PTCH1: variants seen among roughly 807,000 people sequenced by gnomAD.
The protein encoded by PTCH1 is protein patched homolog 1.
In PTCH1, 14 loss-of-function variants were observed where a neutral mutation model predicts 144.6. The ratio of observed to expected loss-of-function variants is 0.10; its 90% CI spans 0.06 to 0.15. The LOEUF (loss-of-function observed/expected upper bound fraction) is 0.15. PTCH1 is among the 10% of genes least tolerant of loss of function. PTCH1 has a pLI of 1.00. For synonymous variants in PTCH1, 833 were observed against 793.6 expected, an observed-to-expected ratio of 1.05 and a Z score of -0.83; for missense variants, 1,623 against 1,948.3, an observed-to-expected ratio of 0.83 and a Z score of 3.14.
At position 95,476,684 on chromosome 9, in the gene PTCH1, A is replaced by T; in HGVS notation, c.1602+75T>A. On this transcript the variant is annotated intron_variant, in intron 11 of 23. Coordinates refer to ENST00000331920, the MANE Select transcript of PTCH1 (RefSeq NM_000264.5). The surrounding 1 kb of genome is among the most constrained non-coding windows in gnomAD (Gnocchi z 4.6). ...ATCTTTACTGGGTCAGACTGAGGAA[A>T]ATTAAAGGACAAATACTTAGGAACA... 1.4e-6 allele frequency: 2 copies of T among 1,423,246 alleles called. No individual in the cohort carries two copies. The allele number at this position is 1,423,246 out of a possible 1,614,324, so 88.2% of individuals were successfully genotyped here.
chr9:95,467,526 CTT>C, intron 14 of PTCH1, 101 bp from the exon 15 acceptor site: 1 of 1,174,686 alleles, frequency 8.5e-7, no homozygotes, highest in Non-Finnish European at 1.2e-6. Context: ...CACCACCACA[CTT>C]AAACTGATTT....
In PTCH1 at chr9:95,506,614, G is replaced by T; in HGVS notation, c.202-15C>A. The T allele has an allele frequency of 6.3e-7, 1 of 1,590,402 alleles. No individual in the cohort carries two copies. The highest frequency in any genetic ancestry group is 1.8e-4 in the Middle Eastern group (1 of 5,664). On this transcript the variant is annotated splice_polypyrimidine_tract_variant and intron_variant, in intron 1 of 23. Coordinates refer to ENST00000331920, the MANE Select transcript of PTCH1 (RefSeq NM_000264.5). ...GTAGCCTTCCCCTGGGGACGAAGCA[G>T]AAGGGAGGAGTGAGCGCCGGGGAGT...
At chr9:95,479,801 G>T in intron 7 of PTCH1, 168 bp downstream of exon 7, 2 of 1,079,288 alleles carry the variant, frequency 1.9e-6, no homozygotes, top group Non-Finnish European at 2.7e-6. Context: ...GCTTTTTCAA[G>T]CTGTTGCAGT....
intron 2 of PTCH1, among the ~76,000 whole-genome samples, chr9:95,504,824 CATCGAATTCTA>C (rs897585816): frequency 6.6e-6 from 1 of 152,092 alleles, no homozygotes; most frequent in African/African-American, 2.4e-5. Context: ...AGTCCAAATG[CATCGAATTCTA>C]ATAGTTTTAA....
At chr9:95,507,577 A>G in intron 1 of PTCH1, 2 of 417,852 alleles carry the variant, frequency 4.8e-6, no homozygotes, top group Non-Finnish European at 6.4e-6. Flanking sequence ...CGGGGGGGAT[A>G]TCTTTTTCCG....
upstream of PTCH1, among the ~76,000 whole-genome samples, chr9:95,512,890 A>C (rs1294589790): frequency 6.6e-6 from 1 of 152,240 alleles, no homozygotes; most frequent in Non-Finnish European, 1.5e-5. Flanking sequence ...ATGAAGCAAC[A>C]GCTGAGTGTT....
rs1297186740 is a variant in PTCH1, at chr9:95,474,210, GAC to G, written c.1728+1822_1728+1823del. The G allele has an allele frequency of 1.4e-4, 49 of 337,948 alleles. No homozygotes were observed. In the Admixed American group the frequency reaches 1.7e-3, roughly 12 times the overall value. 20.9% of individuals were successfully genotyped at this position (337,948 alleles called of 1,614,324 possible). ...GAAGGAGTATGAGCAGATACAGAAA[GAC>G]AGTGAGCAAAAAGGCAAGCAGAAAA... On this transcript the variant is annotated intron_variant, in intron 12 of 23. Transcript: ENST00000331920.
intron 12 of PTCH1, among the ~76,000 whole-genome samples, chr9:95,471,606 C>G (rs982911432): frequency 3.1e-4 from 47 of 152,296 alleles, no homozygotes; most frequent in African/African-American, 1.1e-3. Flanking sequence ...TCTCACAGAG[C>G]CAGACCTATA....
At chr9:95,512,624 G>A (rs908236242), upstream of PTCH1, among the ~76,000 whole-genome samples, 2 of 152,172 alleles carry the variant, frequency 1.3e-5, no homozygotes, top group African/African-American at 4.8e-5. Context: ...ATTTACATTT[G>A]TAAGCATTGT....
Position 95,461,882 on chromosome 9 carries a change from G to A in PTCH1, c.2677C>T (p.Arg893Cys), listed in dbSNP as rs753008328. 1.1e-5 allele frequency: 17 copies of A among 1,614,094 alleles called. No homozygotes were observed. The highest frequency in any genetic ancestry group is 2.2e-5 in the East Asian group (1 of 44,890). The part of the protein sequence containing the change: ...AYKLLVQTGS[R>C]DKPIDISQLT... ...TGGCTGATGTCGATGGGCTTATCGC[G>A]GCTGCCGGTTTGCACCAGGAGTTTG... is the stretch of plus-strand genomic sequence containing the variant. The change falls in exon 16 of 24, where the codon CGC becomes TGC. Residue 893 changes from arginine to cysteine, a missense_variant. By Grantham distance (180) the Arg-to-Cys change is radical. Transcript: ENST00000331920.
intron 17 of PTCH1, among the ~76,000 whole-genome samples, chr9:95,459,181 G>A (rs1200902589): frequency 6.6e-6 from 1 of 152,208 alleles, no homozygotes; most frequent in Non-Finnish European, 1.5e-5. Flanking sequence ...CAGGTGCTTG[G>A]TGGCTTATAG....
At chr9:95,475,935 A>T in intron 12 of PTCH1, 99 bp downstream of exon 12, 1 of 1,568,176 alleles carries the variant, frequency 6.4e-7, no homozygotes. Context: ...ATTTCACTTC[A>T]TAAGTAACTG....
Position 95,508,237 on chromosome 9 carries a change from G to C in PTCH1, c.125C>G (p.Ala42Gly), listed in dbSNP as rs1030446889. Residue 42 changes from alanine (A) to glycine (G), a missense_variant, in exon 1 of 24, where the codon GCT (alanine) becomes GGT (glycine). Coordinates refer to ENST00000331920, the MANE Select transcript of PTCH1 (RefSeq NM_000264.5). ...CAGATAGTCCCGGTCCGGCGCGGCA[G>C]CACGGCGCAGCCCCCCCGTCCGTCT... Reference protein sequence around the residue: ...RRRRTGGLRRAAAPDRDYLHR... With the variant: ...RRRRTGGLRRGAAPDRDYLHR... The C allele has an allele frequency of 6.8e-6, 11 of 1,608,392 alleles. No individual in the cohort carries two copies. The highest frequency in any genetic ancestry group is 9.3e-6 in the Non-Finnish European group (11 of 1,178,894).
exon 1 of PTCH1, chr9:95,516,850 A>G (rs1032848921): frequency 6.4e-7 from 1 of 1,568,028 alleles, no homozygotes; most frequent in Non-Finnish European, 8.7e-7. Context: ...CTGCCGCGCC[A>G]TAGGCAGGAC....
At chr9:95,469,312 G>A in intron 13 of PTCH1, 159 bp from the exon 14 acceptor site, 2 of 1,009,610 alleles carry the variant, frequency 2.0e-6, no homozygotes, top group Non-Finnish European at 3.0e-6. Flanking sequence ...TCGCCTGGTT[G>A]ATAACATCAC....
intron 2 of PTCH1, chr9:95,494,966 T>C (rs936342332): frequency 6.6e-6 from 1 of 152,268 alleles, no homozygotes; most frequent in African/African-American, 2.4e-5. Context: ...CTCTCTTCAT[T>C]GGCCTCCCAC....
intron 15 of PTCH1, among the ~76,000 whole-genome samples, chr9:95,464,854 A>G (rs1012574977): frequency 1.3e-5 from 2 of 152,252 alleles, no homozygotes; most frequent in Non-Finnish European, 2.9e-5. Context: ...GTTTCCTTGT[A>G]GAAAATGTTC....
intron 2 of PTCH1, chr9:95,494,122 G>T: frequency 1.2e-6 from 1 of 812,148 alleles, no homozygotes; most frequent in Non-Finnish European, 1.5e-6. Context: ...GGCGCAGGTA[G>T]TGCGCAGGCG....
rs1023914695 is a variant in PTCH1 at position 95,444,160 on chromosome 9, A to T, written c.*2233T>A. ...AATGAACAAACAGGACAGACAAAAT[A>T]AAACTATTAAAAGAGAGAGAGAAAT... On this transcript the variant is annotated 3_prime_UTR_variant, in exon 24 of 24. Transcript: ENST00000331920. 2.0e-5 allele frequency: 3 copies of T among 152,306 alleles called. No individual in the cohort carries two copies. The highest frequency in any genetic ancestry group is 7.2e-5 in the African/African-American group (3 of 41,396). 9.4% of individuals were successfully genotyped at this position (152,306 alleles called of 1,614,324 possible).
Sources: gnomAD v4.1 joint callset for allele counts (sites outside exome capture counted in the v4.1 genomes callset) on GRCh38, gnomAD v4.1.1 for gene constraint, Gnocchi (gnomAD v3.1) non-coding constraint, MANE v1.5 for transcripts, NCBI Gene and HGNC (gene_info 2026-07-23, HGNC 2026-07-21) for gene names.